The following KCNQ1 variants were observed in gnomAD, a reference collection of about 807,000 sequenced individuals.
KCNQ1 encodes potassium voltage-gated channel subfamily KQT member 1.
A neutral mutation model predicts 72.4 loss-of-function variants in KCNQ1; 49 were observed. The observed-to-expected ratio is 0.68, with a 90% CI of 0.54 to 0.86. KCNQ1 has a LOEUF of 0.86. Ranked by LOEUF, KCNQ1 falls within the 40% of genes least tolerant of loss-of-function variation. The pLI, the probability that KCNQ1 is intolerant of heterozygous loss-of-function variation, is 0.00. For missense variants in KCNQ1, 790 were observed against 945.1 expected (o/e 0.84, Z 2.15); for synonymous variants, 450 against 412.6 (o/e 1.09, Z -1.10).
chr11:2,831,435 T>C (rs1048957840), intron 15 of KCNQ1, among the ~76,000 whole-genome samples: 1 of 152,034 alleles, frequency 6.6e-6, no homozygotes, highest in Non-Finnish European at 1.5e-5. Context: ...TGCTTCTGCC[T>C]CCAGGAAGCC....
rs1846869565 is a variant in KCNQ1, at chr11:2,493,708, T to A, written c.387-34220T>A. On this transcript the variant is annotated intron_variant, in intron 1 of 15. Coordinates refer to ENST00000155840, the MANE Select transcript of KCNQ1 (RefSeq NM_000218.3). The surrounding 1 kb of genome is among the most constrained non-coding windows in gnomAD (Gnocchi z 5.3). ...CTCTGTTCTGTTCCATTGGTTTATA[T>A]ATCTGTCTTCATACCAGTACCATGC... 6.6e-6 allele frequency among the ~76,000 whole-genome samples: 1 copy of A among 152,226 alleles called. No homozygotes were observed. The highest frequency in any genetic ancestry group is 1.5e-5 in the Non-Finnish European group (1 of 68,038).
intron 10 of KCNQ1, among the ~76,000 whole-genome samples, chr11:2,607,155 G>A (rs1053804921): frequency 6.6e-6 from 1 of 151,834 alleles, no homozygotes; most frequent in Non-Finnish European, 1.5e-5. Flanking sequence ...CACCCGCCTC[G>A]GCCTCCCAAA....
chr11:2,521,170 C>T (rs1847375929), intron 1 of KCNQ1, among the ~76,000 whole-genome samples: 1 of 152,122 alleles, frequency 6.6e-6, no homozygotes, highest in Non-Finnish European at 1.5e-5. Flanking sequence ...CACCATCCAC[C>T]CCAAAACTTC....
At chr11:2,799,547 A>G (rs1200562980) in intron 15 of KCNQ1, among the ~76,000 whole-genome samples, 4 of 150,732 alleles carry the variant, frequency 2.7e-5, no homozygotes, top group African/African-American at 9.8e-5. Flanking sequence ...TTGTGTCTGC[A>G]TGTATCGTGT....
At chr11:2,551,314 C>T (rs1000457011) in intron 2 of KCNQ1, among the ~76,000 whole-genome samples, 133 of 152,220 alleles carry the variant, frequency 8.7e-4, no homozygotes, top group African/African-American at 3.2e-3. Flanking sequence ...TTCCTGTCCC[C>T]ATGGTTTTGC....
chr11:2,615,047 AT>A, intron 10 of KCNQ1: 1 of 398,294 alleles, frequency 2.5e-6, no homozygotes, highest in Non-Finnish European at 4.4e-6. Context: ...AGTTCTATTT[AT>A]TTAAGTCTTC....
rs1849751866 is a variant in KCNQ1, at chr11:2,651,230, C to T, written c.1394-10731C>T. Reference sequence around the variant, plus strand: ...CCTGTCTTGTGTCAGTCTCACAGCACACACAGCTTAATTCAGGAATTAAGC... The same window carrying T: ...CCTGTCTTGTGTCAGTCTCACAGCATACACAGCTTAATTCAGGAATTAAGC... On this transcript the variant is annotated intron_variant, in intron 10 of 15. Transcript: ENST00000155840. The surrounding 1 kb of genome is among the most constrained non-coding windows in gnomAD (Gnocchi z 6.1). 1 of 398,668 alleles carries T rather than the reference C, an allele frequency of 2.5e-6. No individual in the cohort carries two copies. Among genetic ancestry groups the T allele is most frequent in the Non-Finnish European group, 4.4e-6 (1 of 226,094 alleles). The allele number at this position is 398,668 out of a possible 1,614,324, so 24.7% of individuals were successfully genotyped here. A position where few individuals can be genotyped will look rare whatever the true frequency, so the allele number is the denominator to read the frequency against.
At chr11:2,456,583 C>T (rs1028722344) in intron 1 of KCNQ1, among the ~76,000 whole-genome samples, 4 of 151,714 alleles carry the variant, frequency 2.6e-5, no homozygotes, top group South Asian at 4.2e-4. Context: ...TCAAAGTCTA[C>T]AAAGAATTAA....
At chr11:2,452,656 G>T (rs1337974267) in intron 1 of KCNQ1, among the ~76,000 whole-genome samples, 1 of 152,260 alleles carries the variant, frequency 6.6e-6, no homozygotes, top group Non-Finnish European at 1.5e-5. Flanking sequence ...CTGTTCTCTT[G>T]TGAAGAGTCA....
chr11:2,757,614 C>A (rs1050974910), intron 11 of KCNQ1, among the ~76,000 whole-genome samples: 3 of 152,124 alleles, frequency 2.0e-5, no homozygotes, highest in Non-Finnish European at 4.4e-5. Context: ...TAGATTAAAA[C>A]AATTTTGAAA....
intron 11 of KCNQ1, chr11:2,666,611 C>T (rs556547257): frequency 7.5e-5 from 30 of 398,662 alleles, no homozygotes; most frequent in African/African-American, 4.5e-4. Context: ...TAAGGGCAAA[C>T]GTCACAAGGG....
In KCNQ1 at chr11:2,690,449, A is replaced by G. The variant is rs777815545; in HGVS notation, c.1514+28368A>G. The stretch of plus-strand genomic sequence containing the variant: ...TCCTGGGAGCTAGAGCTGGGTTAAG[A>G]TAAGAGCAGAGACTGGGTCCTGGGA... On this transcript the variant is annotated intron_variant, in intron 11 of 15. Coordinates refer to ENST00000155840, the MANE Select transcript of KCNQ1 (RefSeq NM_000218.3). The surrounding 1 kb of genome is among the most constrained non-coding windows in gnomAD (Gnocchi z 5.1). 2.5e-6 allele frequency: 1 copy of G among 398,632 alleles called. No individual in the cohort carries two copies. Among genetic ancestry groups the G allele is most frequent in the Non-Finnish European group, 4.4e-6 (1 of 226,100 alleles). 24.7% of individuals were successfully genotyped at this position (398,632 alleles called of 1,614,324 possible). A position where few individuals can be genotyped will look rare whatever the true frequency, so the allele number is the denominator to read the frequency against.
intron 11 of KCNQ1, among the ~76,000 whole-genome samples, chr11:2,742,447 T>C (rs1846071451): frequency 6.6e-6 from 1 of 152,208 alleles, no homozygotes; most frequent in Admixed American, 6.5e-5. Context: ...GGGGCCTTCA[T>C]GCCTGTGGGG....
At position 2,658,252 on chromosome 11, in the gene KCNQ1, G is replaced by A. The variant is rs1590011909; in HGVS notation, c.1394-3709G>A. The A allele has an allele frequency of 2.5e-6, 1 of 398,546 alleles. No individual in the cohort carries two copies. The highest frequency in any genetic ancestry group is 3.6e-5 in the East Asian group (1 of 28,068). The allele number at this position is 398,546 out of a possible 1,614,324, so 24.7% of individuals were successfully genotyped here. The stretch of plus-strand genomic sequence containing the variant: ...TTCCTGCAGCAAATATTACCGTGAT[G>A]TACTTCTATTTTCCTCATTCCTTCT... On this transcript the variant is annotated intron_variant, in intron 10 of 15. Coordinates refer to ENST00000155840, the MANE Select transcript of KCNQ1 (RefSeq NM_000218.3). This position sits in a 1 kb window ranked among gnomAD's most constrained non-coding sequence, Gnocchi z 4.9.
chr11:2,705,393 T>C (rs1428328535), intron 11 of KCNQ1, among the ~76,000 whole-genome samples: 1 of 152,068 alleles, frequency 6.6e-6, no homozygotes, highest in African/African-American at 2.4e-5. Context: ...CGAACCCAAC[T>C]CTCCCAGAGC....
chr11:2,802,399 G>A (rs766769989), intron 15 of KCNQ1, among the ~76,000 whole-genome samples: 41 of 152,140 alleles, frequency 2.7e-4, no homozygotes, highest in Non-Finnish European at 5.3e-4. Context: ...CTGAGGCAGC[G>A]GGGAGCCTGC....
intron 1 of KCNQ1, among the ~76,000 whole-genome samples, chr11:2,448,570 TG>T (rs1846077624): frequency 6.6e-6 from 1 of 152,320 alleles, no homozygotes; most frequent in Non-Finnish European, 1.5e-5. Flanking sequence ...GCTGGGCAGT[TG>T]TTCTGCAGCT....
chr11:2,558,334 A>C (rs1198876027), intron 2 of KCNQ1, among the ~76,000 whole-genome samples: 1 of 152,268 alleles, frequency 6.6e-6, no homozygotes, highest in Non-Finnish European at 1.5e-5. Context: ...TGCCTTGCAC[A>C]CTGTGTAAGC....
chr11:2,712,737 C>T lies in KCNQ1; in HGVS notation c.1514+50656C>T, dbSNP rs1851026663. ...CCTTCCTTGCCATCCGCAACCACAC[C>T]AGTGGCTGGAAAGCCAGAGTCCCCT... On this transcript the variant is annotated intron_variant, in intron 11 of 15. Coordinates refer to ENST00000155840, the MANE Select transcript of KCNQ1 (RefSeq NM_000218.3). This position sits in a 1 kb window ranked among gnomAD's most constrained non-coding sequence, Gnocchi z 6.4. 6.6e-6 allele frequency among the ~76,000 whole-genome samples: 1 copy of T among 152,228 alleles called. No homozygotes were observed.
Sources: allele counts gnomAD v4.1 joint callset (sites outside exome capture counted in the v4.1 genomes callset), GRCh38; gene constraint gnomAD v4.1.1; non-coding constraint Gnocchi (gnomAD v3.1); transcripts MANE v1.5; gene names NCBI Gene and HGNC (gene_info 2026-07-23, HGNC 2026-07-21).